DAB1: variants seen among roughly 807,000 people sequenced by gnomAD.
The protein encoded by DAB1 is disabled homolog 1.
Under a neutral mutation model 64.6 loss-of-function variants are expected in DAB1, and 15 were observed. The ratio of observed to expected loss-of-function variants is 0.23; its 90% CI spans 0.16 to 0.36. The LOEUF (loss-of-function observed/expected upper bound fraction) is 0.36, where lower values mean the gene tolerates loss of function less well. Ranked by LOEUF, DAB1 falls within the 10% of genes least tolerant of loss-of-function variation. The pLI is 1.00. For synonymous variants in DAB1, 235 were observed against 251.9 expected, an observed-to-expected ratio of 0.93 and a Z score of 0.64; for missense variants, 596 against 706.7, an observed-to-expected ratio of 0.84 and a Z score of 1.78.
At chr1:57,036,751 G>T (rs756856935) in intron 9 of DAB1, among the ~76,000 whole-genome samples, 2 of 152,034 alleles carry the variant, frequency 1.3e-5, no homozygotes, top group South Asian at 4.2e-4. Context: ...TATAAAAGAA[G>T]ATATTCTCAT....
rs536332022 is a variant in DAB1, at chr1:58,093,768, G to A, written n.387+56743C>T. On this transcript the variant is annotated intron_variant and non_coding_transcript_variant, in intron 5 of 20. Transcript: ENST00000485760. ...ACAGCAACCTAAGGACACCAATATGGGGCATGGAAACAGTTTTGAAATACT... is the reference window on the plus strand; with the variant it reads ...ACAGCAACCTAAGGACACCAATATGAGGCATGGAAACAGTTTTGAAATACT... Among the ~76,000 whole-genome samples the A allele has an allele frequency of 3.3e-5, 5 of 152,198 alleles. No individual in the cohort carries two copies. In the East Asian group the frequency reaches 9.7e-4, roughly 29 times the overall value.
chr1:57,448,769 G>GACAC (rs59445697), intron 7 of DAB1, among the ~76,000 whole-genome samples: 8 of 150,502 alleles, frequency 5.3e-5, no homozygotes, highest in Middle Eastern at 3.4e-3. Context: ...TAGCAATTCT[G>GACAC]ACACACACAC....
chr1:57,454,062 T>A (rs1171261884), intron 7 of DAB1, among the ~76,000 whole-genome samples: 1 of 152,168 alleles, frequency 6.6e-6, no homozygotes, highest in African/African-American at 2.4e-5. Context: ...GCCTTACTTA[T>A]TGCAAACCTG....
chr1:57,196,433 G>A (rs1294097767), intron 2 of DAB1, among the ~76,000 whole-genome samples: 1 of 152,206 alleles, frequency 6.6e-6, no homozygotes, highest in Non-Finnish European at 1.5e-5. Flanking sequence ...CTGGCAGTGA[G>A]TGTGGGAGGC....
chr1:58,490,448 G>C (rs563547577), intron 3 of DAB1, among the ~76,000 whole-genome samples: 1 of 152,308 alleles, frequency 6.6e-6, no homozygotes, highest in Admixed American at 6.5e-5. Context: ...TATGTGAAAA[G>C]ACCAAATCTA....
intron 3 of DAB1, among the ~76,000 whole-genome samples, chr1:58,393,720 A>G (rs1323167191): frequency 2.0e-5 from 3 of 152,212 alleles, no homozygotes; most frequent in Non-Finnish European, 2.9e-5. Flanking sequence ...AGGCTGGAGC[A>G]GGGGGGTAAA....
chr1:58,220,470 T>C (rs1659100036), intron 4 of DAB1, among the ~76,000 whole-genome samples: 1 of 152,162 alleles, frequency 6.6e-6, no homozygotes, highest in Admixed American at 6.5e-5. Flanking sequence ...GACTATTTGT[T>C]TCTTCTGTGA....
intron 7 of DAB1, among the ~76,000 whole-genome samples, chr1:57,537,456 A>G (rs1644744157): frequency 1.3e-5 from 2 of 152,220 alleles, no homozygotes; most frequent in South Asian, 2.1e-4. Context: ...AGTGATACCA[A>G]CACTCACTGT....
At chr1:58,229,037 A>T in intron 4 of DAB1, 1 of 324,052 alleles carries the variant, frequency 3.1e-6, no homozygotes, top group Non-Finnish European at 6.0e-6. Context: ...TGTGATCATA[A>T]CTCACTGCAA....
chr1:57,489,575 T>A (rs1158018023), intron 7 of DAB1, among the ~76,000 whole-genome samples: 9 of 152,200 alleles, frequency 5.9e-5, no homozygotes, highest in Non-Finnish European at 1.3e-4. Flanking sequence ...CGATTACAAG[T>A]ATGTCTAAAT....
intron 2 of DAB1, among the ~76,000 whole-genome samples, chr1:57,177,437 A>T (rs1194950188): frequency 6.6e-6 from 1 of 152,128 alleles, no homozygotes; most frequent in Non-Finnish European, 1.5e-5. Flanking sequence ...AGGAGGGTAG[A>T]GGGAAAAAAA....
At chr1:58,151,343 C>A (rs1654924959) in intron 4 of DAB1, among the ~76,000 whole-genome samples, 1 of 152,238 alleles carries the variant, frequency 6.6e-6, no homozygotes, top group Non-Finnish European at 1.5e-5. Context: ...TCCACATCCT[C>A]TCCAGCATCT....
chr1:57,267,650 C>T, intron 2 of DAB1, among the ~76,000 whole-genome samples: 1 of 152,184 alleles, frequency 6.6e-6, no homozygotes, highest in East Asian at 1.9e-4. Context: ...AATTTTGGGG[C>T]ACCTGTGCTT....
chr1:57,271,032 G>C (rs942501203), intron 2 of DAB1, among the ~76,000 whole-genome samples: 32 of 152,138 alleles, frequency 2.1e-4, no homozygotes, highest in Non-Finnish European at 4.3e-4. Flanking sequence ...ATAAAAGTTG[G>C]AAGACGCTAA....
chr1:58,425,958 A>G (rs1644818422), intron 3 of DAB1, among the ~76,000 whole-genome samples: 1 of 152,096 alleles, frequency 6.6e-6, no homozygotes, highest in African/African-American at 2.4e-5. Context: ...GTTAGGACAG[A>G]TCTTTAAAAC....
intron 2 of DAB1, among the ~76,000 whole-genome samples, chr1:57,221,921 C>T (rs1400060020): frequency 1.3e-5 from 2 of 151,068 alleles, no homozygotes; most frequent in Admixed American, 6.6e-5. Flanking sequence ...GATTATTGTC[C>T]CTGGTTCTTT....
In DAB1 at chr1:57,015,075, A is replaced by G; in HGVS notation, c.1252T>C (p.Phe418Leu). 6.2e-7 allele frequency: 1 copy of G among 1,614,144 alleles called. No homozygotes were observed. The highest frequency in any genetic ancestry group is 2.2e-5 in the East Asian group (1 of 44,878). The change falls in exon 12 of 15, where the codon TTC (phenylalanine) becomes CTC (leucine). Residue 418 changes from phenylalanine (F) to leucine (L), a missense_variant. By Grantham distance (22) the Phe-to-Leu change is conservative (BLOSUM62 0). This residue lies in a region of DAB1 where 377 missense variants were observed against 400.4 expected (regional missense o/e 0.94). Transcript: ENST00000371236. ...ACGGGCGGAGGCTGGGCCATCTGGA[A>G]ATCCTTAAACGTTTCTTTGCCCATT... is the stretch of plus-strand genomic sequence containing the variant. ...QKMGKETFKD[F>L]QMAQPPPVPS...
chr1:57,433,615 A>G (rs994215913), intron 7 of DAB1, among the ~76,000 whole-genome samples: 11 of 152,112 alleles, frequency 7.2e-5, no homozygotes, highest in African/African-American at 2.7e-4. Context: ...TTTCTTAGAG[A>G]GGAGACAAAA....
intron 4 of DAB1, among the ~76,000 whole-genome samples, chr1:57,090,575 C>G (rs900931424): frequency 6.6e-6 from 1 of 152,092 alleles, no homozygotes; most frequent in Non-Finnish European, 1.5e-5. Context: ...ACTTATTTGC[C>G]AGAGAAAGAC....
Sources: allele counts gnomAD v4.1 joint callset (sites outside exome capture counted in the v4.1 genomes callset), GRCh38; gene constraint gnomAD v4.1.1; regional missense constraint gnomAD v4.1.1; transcripts MANE v1.5; gene names NCBI Gene and HGNC (gene_info 2026-07-23, HGNC 2026-07-21).